GATA4: variants seen among roughly 807,000 people sequenced by gnomAD.
GATA4 encodes transcription factor GATA-4.
A neutral mutation model predicts 37.9 loss-of-function variants in GATA4; 7 were observed. The ratio of observed to expected loss-of-function variants is 0.18; its 90% CI spans 0.11 to 0.35. The LOEUF is 0.35. GATA4 is among the 10% of genes least tolerant of loss of function. The pLI, the probability that GATA4 is intolerant of heterozygous loss-of-function variation, is 1.00. For synonymous variants in GATA4, 372 were observed against 292.6 expected, an observed-to-expected ratio of 1.27 and a Z score of -2.77; for missense variants, 647 against 653.0, an observed-to-expected ratio of 0.99 and a Z score of 0.10.
At chr8:11,730,816 C>T (rs1801168500) in intron 2 of GATA4, among the ~76,000 whole-genome samples, 1 of 152,202 alleles carries the variant, frequency 6.6e-6, no homozygotes, top group Non-Finnish European at 1.5e-5. Flanking sequence ...CAGGGACCTG[C>T]CCAAGGCCAC....
chr8:11,758,181 G>A (rs2130354325), intron 6 of GATA4, 112 bp from the exon 7 acceptor site: 1 of 1,035,646 alleles, frequency 9.7e-7, no homozygotes, highest in Non-Finnish European at 1.5e-6. Context: ...CCTTCCTGAG[G>A]GCTGAAGCCA....
chr8:11,753,378 G>C, intron 4 of GATA4, among the ~76,000 whole-genome samples: 1 of 152,100 alleles, frequency 6.6e-6, no homozygotes, highest in East Asian at 1.9e-4. Context: ...GAAGAGTTCT[G>C]GGGATGGTGG....
chr8:11,709,684 TG>T lies in GATA4; in HGVS notation c.616+758del, dbSNP rs1329790336. 6.6e-6 allele frequency among the ~76,000 whole-genome samples: 1 copy of T among 151,620 alleles called. No individual in the cohort carries two copies. The highest frequency in any genetic ancestry group is 1.5e-5 in the Non-Finnish European group (1 of 67,882). ...GAGACTTTGCAGTCGCTTGCACGCG[TG>T]GAGCCTCCTCTTCTCGCGTGGGCCA... On this transcript the variant is annotated intron_variant, in intron 2 of 6. Transcript: ENST00000532059. The surrounding 1 kb of genome is among the most constrained non-coding windows in gnomAD (Gnocchi z 4.3).
At chr8:11,704,408 G>T (rs1045094290) in intron 1 of GATA4, 104 bp downstream of exon 1, 1 of 152,238 alleles carries the variant, frequency 6.6e-6, no homozygotes, top group African/African-American at 2.4e-5. Flanking sequence ...CTAGTGGGAG[G>T]AAAAGAGACG....
At chr8:11,689,719 G>A (rs147176516), upstream of GATA4, among the ~76,000 whole-genome samples, 346 of 152,268 alleles carry the variant, frequency 2.3e-3, 3 homozygotes, top group African/African-American at 8.1e-3. Context: ...CAGGGTCACT[G>A]TTTCCAGTGC....
intron 1 of GATA4, chr8:11,683,237 G>A: frequency 1.5e-6 from 1 of 666,388 alleles, no homozygotes; most frequent in Non-Finnish European, 1.9e-6. Context: ...GAGGACGGAG[G>A]GACGGGGCTG....
intron 2 of GATA4, among the ~76,000 whole-genome samples, chr8:11,746,305 G>T (rs1802026787): frequency 6.6e-6 from 1 of 152,124 alleles, no homozygotes; most frequent in Admixed American, 6.5e-5. Flanking sequence ...AGGAGTTGGT[G>T]GCTGCAGTGA....
intron 2 of GATA4, among the ~76,000 whole-genome samples, chr8:11,711,504 G>A (rs553711186): frequency 3.9e-5 from 6 of 152,050 alleles, no homozygotes; most frequent in Admixed American, 2.6e-4. Flanking sequence ...GTGGCCAGGC[G>A]CAGAGGCTCA....
upstream of GATA4, among the ~76,000 whole-genome samples, chr8:11,703,360 A>T (rs904449688): frequency 6.6e-6 from 1 of 152,066 alleles, no homozygotes; most frequent in Non-Finnish European, 1.5e-5. Flanking sequence ...TGGGGCCTCC[A>T]GGCTCTGACG....
chr8:11,756,581 A>T, intron 5 of GATA4: 2 of 370,282 alleles, frequency 5.4e-6, no homozygotes, highest in South Asian at 4.7e-5. Flanking sequence ...CTGTGGGGAT[A>T]TTATTGTATT....
At chr8:11,680,316 G>T (rs1374309951) in intron 1 of GATA4, among the ~76,000 whole-genome samples, 1 of 152,240 alleles carries the variant, frequency 6.6e-6, no homozygotes, top group African/African-American at 2.4e-5. Flanking sequence ...GAAGATCCCC[G>T]CGGACAGGCG....
At chr8:11,737,219 C>T (rs930063212) in intron 2 of GATA4, among the ~76,000 whole-genome samples, 1 of 152,016 alleles carries the variant, frequency 6.6e-6, no homozygotes, top group South Asian at 2.1e-4. Context: ...TTCTGAAAGG[C>T]GTAAATCTCC....
chr8:11,725,321 C>T (rs1008373444), intron 2 of GATA4, among the ~76,000 whole-genome samples: 2 of 152,302 alleles, frequency 1.3e-5, no homozygotes, highest in South Asian at 2.1e-4. Flanking sequence ...GAGTTGAGTA[C>T]ATTTTGAGTA....
chr8:11,710,566 T>C (rs1351560332), intron 2 of GATA4, among the ~76,000 whole-genome samples: 1 of 149,486 alleles, frequency 6.7e-6, no homozygotes, highest in Non-Finnish European at 1.5e-5. Flanking sequence ...GGCGCGCGCC[T>C]GTAGTCTCAG....
Position 11,708,491 on chromosome 8 carries a change from G to A in GATA4, c.179G>A (p.Gly60Asp), listed in dbSNP as rs1451316561. 2.0e-6 allele frequency: 3 copies of A among 1,494,674 alleles called. No individual in the cohort carries two copies. The Admixed American group carries it at 6.6e-5, about 33-fold the overall frequency. 92.6% of individuals were successfully genotyped at this position (1,494,674 alleles called of 1,614,324 possible). ...GLSYLQGGGA[G>D]SASGGASGGS... ...TCCTACCTCCAGGGCGGAGGCGCGG[G>A]CTCTGCGTCCGGAGGCGCCTCGGGC... Residue 60 changes from glycine (G) to aspartate (D), a missense_variant, in exon 2 of 7, where the codon GGC (glycine) becomes GAC (aspartate). Physicochemically the swap from Gly to Asp is moderately conservative, Grantham distance 94 (BLOSUM62 -1). This residue lies in a region of GATA4 where 379 missense variants were observed against 334.5 expected (regional missense o/e 1.13). Transcript: ENST00000532059. This position sits in a 1 kb window ranked among gnomAD's most constrained non-coding sequence, Gnocchi z 6.7.
At chr8:11,695,038 T>TGC (rs1172466903) in intron 1 of GATA4, among the ~76,000 whole-genome samples, 2 of 152,216 alleles carry the variant, frequency 1.3e-5, no homozygotes, top group Non-Finnish European at 2.9e-5. Flanking sequence ...CCTGCTACCT[T>TGC]GCGCCCTGAT....
intron 2 of GATA4, among the ~76,000 whole-genome samples, chr8:11,713,422 C>G (rs1473064013): frequency 6.6e-6 from 1 of 152,036 alleles, no homozygotes; most frequent in Admixed American, 6.5e-5. Flanking sequence ...GTAATTGCCC[C>G]AGGACTCTGC....
intron 2 of GATA4, among the ~76,000 whole-genome samples, chr8:11,735,680 A>T (rs1198819948): frequency 6.6e-6 from 1 of 152,054 alleles, no homozygotes; most frequent in Non-Finnish European, 1.5e-5. Context: ...CTTCTGCTTC[A>T]GCCTCCCCAG....
intron 1 of GATA4, among the ~76,000 whole-genome samples, chr8:11,680,326 G>T (rs1798916490): frequency 6.6e-6 from 1 of 152,244 alleles, no homozygotes; most frequent in South Asian, 2.1e-4. Flanking sequence ...GCGGACAGGC[G>T]CGACAACGGG....
Sources: gnomAD v4.1 joint callset for allele counts (sites outside exome capture counted in the v4.1 genomes callset) on GRCh38, gnomAD v4.1.1 for gene constraint, gnomAD v4.1.1 regional missense constraint, Gnocchi (gnomAD v3.1) non-coding constraint, MANE v1.5 for transcripts, NCBI Gene and HGNC (gene_info 2026-07-23, HGNC 2026-07-21) for gene names.